The following AGBL1 variants were observed in gnomAD, a reference collection of about 807,000 sequenced individuals.
AGBL1 encodes cytosolic carboxypeptidase 4.
In AGBL1, 130 loss-of-function variants were observed where a neutral mutation model predicts 118.9. The ratio of observed to expected loss-of-function variants is 1.09; its 90% confidence interval spans 0.95 to 1.26. The LOEUF (loss-of-function observed/expected upper bound fraction) is 1.26, where lower values mean the gene tolerates loss of function less well. AGBL1 is among the 50% of genes most tolerant of loss of function. The pLI, the probability that AGBL1 is intolerant of heterozygous loss-of-function variation, is 0.00. For missense variants in AGBL1, 1,584 were observed against 1,298.1 expected (o/e 1.22, Z -3.38); for synonymous variants, 555 against 478.9 (o/e 1.16, Z -2.08).
chr15:86,651,448 G>C (rs1041208684), intron 21 of AGBL1, among the ~76,000 whole-genome samples: 3 of 152,144 alleles, frequency 2.0e-5, no homozygotes, highest in African/African-American at 7.2e-5. Context: ...ATAAGAAATG[G>C]CATGGCTTTC....
chr15:86,295,125 G>T lies in AGBL1; in HGVS notation c.2221-130G>T. The T allele has an allele frequency of 2.8e-6, 3 of 1,087,744 alleles. No homozygotes were observed. The South Asian group carries it at 4.5e-5, about 16-fold the overall frequency. 67.4% of individuals were successfully genotyped at this position (1,087,744 alleles called of 1,614,324 possible). ...AATAGCCCCCTTTTAATCACTCAAG[G>T]CCCAATACATAAAGGACAGATTAGA... On this transcript the variant is annotated intron_variant, in intron 16 of 22. Coordinates refer to ENST00000614907, the MANE Select transcript of AGBL1 (RefSeq NM_001386094.1).
chr15:86,607,190 C>G (rs368463346), intron 21 of AGBL1, among the ~76,000 whole-genome samples: 1 of 152,130 alleles, frequency 6.6e-6, no homozygotes, highest in East Asian at 1.9e-4. Flanking sequence ...GGAGGTACCA[C>G]AGTGTATGTA....
At chr15:86,941,337 C>T (rs1445572942) in intron 23 of AGBL1, among the ~76,000 whole-genome samples, 1 of 152,206 alleles carries the variant, frequency 6.6e-6, no homozygotes, top group African/African-American at 2.4e-5. Flanking sequence ...AAAAACTACA[C>T]AGTACTTTAA....
At chr15:86,562,572 A>G (rs1280632995) in intron 21 of AGBL1, among the ~76,000 whole-genome samples, 1 of 152,158 alleles carries the variant, frequency 6.6e-6, no homozygotes, top group African/African-American at 2.4e-5. Context: ...TTTTTGCATC[A>G]ATGTTCATCA....
chr15:87,010,031 A>G (rs940341210), intron 24 of AGBL1, among the ~76,000 whole-genome samples: 4 of 151,976 alleles, frequency 2.6e-5, no homozygotes, highest in African/African-American at 9.7e-5. Context: ...ATTTTGGGGG[A>G]CTGTTGGGAA....
intron 18 of AGBL1, among the ~76,000 whole-genome samples, chr15:86,428,830 G>A (rs562525704): frequency 5.3e-5 from 8 of 152,308 alleles, no homozygotes; most frequent in East Asian, 1.9e-4. Context: ...TTCTTGCTTT[G>A]TGAGTAAATA....
At chr15:86,193,281 T>C (rs529119074) in intron 5 of AGBL1, among the ~76,000 whole-genome samples, 10 of 152,258 alleles carry the variant, frequency 6.6e-5, no homozygotes, top group African/African-American at 2.4e-4. Context: ...CCAGATGAAA[T>C]GCTAATGGAC....
At chr15:86,311,520 A>G (rs1204092835) in intron 17 of AGBL1, among the ~76,000 whole-genome samples, 2 of 152,162 alleles carry the variant, frequency 1.3e-5, no homozygotes, top group African/African-American at 4.8e-5. Context: ...TCCTTAGCAG[A>G]TAGTAAGAAT....
At chr15:86,082,167 A>G (rs915409786) in intron 1 of AGBL1, among the ~76,000 whole-genome samples, 1 of 152,176 alleles carries the variant, frequency 6.6e-6, no homozygotes, top group Admixed American at 6.5e-5. Context: ...AACGCTTTTT[A>G]AAAAAGAGAA....
At position 86,142,135 on chromosome 15, in the gene AGBL1, G is replaced by T. The variant is rs2076972043; in HGVS notation, c.115+68G>T. On this transcript the variant is annotated intron_variant, in intron 2 of 22. Transcript: ENST00000614907. ...AGCCTGCTGGCTGTGATCTCTCCCA[G>T]GCACCTCTGTGACCTGGGGGTTTGC... is the stretch of plus-strand genomic sequence containing the variant. 10 of 1,488,358 alleles carry T rather than the reference G, an allele frequency of 6.7e-6. No homozygotes were observed. The South Asian group carries it at 1.2e-4, about 18-fold the overall frequency. 92.2% of individuals were successfully genotyped at this position (1,488,358 alleles called of 1,614,324 possible). A position where few individuals can be genotyped will look rare whatever the true frequency, so the allele number is the denominator to read the frequency against.
At chr15:86,666,880 T>C (rs554182889) in intron 21 of AGBL1, among the ~76,000 whole-genome samples, 374 of 152,290 alleles carry the variant, frequency 2.5e-3, no homozygotes, top group Non-Finnish European at 4.2e-3. Flanking sequence ...GTGGAAGCAC[T>C]AGGACTGTAA....
Position 86,568,086 on chromosome 15 carries a change from C to A in AGBL1, c.2994+13549C>A, listed in dbSNP as rs1596274281. Among the ~76,000 whole-genome samples, 4 of 152,094 alleles carry A rather than the reference C, an allele frequency of 2.6e-5. No individual in the cohort carries two copies. The South Asian group carries it at 6.2e-4, about 24-fold the overall frequency. ...TTTACTTTTTTTTTCTTCATCCATGCTTTTAGGTAATTAGCTTAATTCTAC... is the reference window on the plus strand; with the variant it reads ...TTTACTTTTTTTTTCTTCATCCATGATTTTAGGTAATTAGCTTAATTCTAC... On this transcript the variant is annotated intron_variant, in intron 21 of 22. Coordinates refer to ENST00000614907, the MANE Select transcript of AGBL1 (RefSeq NM_001386094.1).
intron 21 of AGBL1, among the ~76,000 whole-genome samples, chr15:86,599,335 T>A (rs1201568752): frequency 5.4e-5 from 5 of 92,166 alleles, no homozygotes; most frequent in African/African-American, 1.6e-4. Flanking sequence ...GATGTTTCCA[T>A]TTTTTTTTTA....
chr15:86,894,887 G>A (rs1163862431), intron 22 of AGBL1, among the ~76,000 whole-genome samples: 1 of 152,184 alleles, frequency 6.6e-6, no homozygotes, highest in African/African-American at 2.4e-5. Context: ...AAGGTTGGCA[G>A]GAGTGTCAAG....
At chr15:86,654,412 C>A (rs1359360581) in intron 21 of AGBL1, among the ~76,000 whole-genome samples, 1 of 152,040 alleles carries the variant, frequency 6.6e-6, no homozygotes, top group Non-Finnish European at 1.5e-5. Context: ...TGGGCCAAAA[C>A]AAACTAAAAT....
intron 9 of AGBL1, among the ~76,000 whole-genome samples, chr15:86,260,136 A>G (rs968217897): frequency 1.3e-5 from 2 of 152,248 alleles, no homozygotes; most frequent in African/African-American, 4.8e-5. Flanking sequence ...CAGGGCTCAA[A>G]TTGGAGGCAC....
At chr15:86,646,234 T>C (rs1052135259) in intron 21 of AGBL1, among the ~76,000 whole-genome samples, 10 of 152,172 alleles carry the variant, frequency 6.6e-5, no homozygotes, top group African/African-American at 2.4e-4. Flanking sequence ...GGTAATTCCA[T>C]GTAAATGGTT....
intron 16 of AGBL1, among the ~76,000 whole-genome samples, chr15:86,286,952 T>C (rs2079464676): frequency 6.6e-6 from 1 of 152,194 alleles, no homozygotes; most frequent in African/African-American, 2.4e-5. Context: ...TTTTCCAAAA[T>C]AGCTGCACTA....
At chr15:86,886,523 T>G (rs1479966270) in intron 22 of AGBL1, among the ~76,000 whole-genome samples, 2 of 152,210 alleles carry the variant, frequency 1.3e-5, no homozygotes, top group Non-Finnish European at 2.9e-5. Flanking sequence ...GCATTTGTTT[T>G]GGGCATATTC....
Sources: allele counts gnomAD v4.1 joint callset (sites outside exome capture counted in the v4.1 genomes callset), GRCh38; gene constraint gnomAD v4.1.1; transcripts MANE v1.5; gene names NCBI Gene and HGNC (gene_info 2026-07-23, HGNC 2026-07-21).